Variants in PGR observed in about 807,000 individuals in gnomAD.
PGR encodes the protein progesterone receptor.
A neutral mutation model predicts 76.1 loss-of-function variants in PGR; 25 were observed. That is an observed-to-expected ratio of 0.33 (90% CI 0.24 to 0.46). The LOEUF (loss-of-function observed/expected upper bound fraction) is 0.46, where lower values mean the gene tolerates loss of function less well. Among genes scored for constraint, PGR ranks in the 20% least tolerant of loss-of-function variants. The pLI is 1.00. For synonymous variants in PGR, 579 were observed against 535.0 expected (o/e 1.08, Z -1.14); for missense variants, 1,172 against 1,225.3 (o/e 0.96, Z 0.65).
intron 6 of PGR, 94 bp downstream of exon 6, chr11:101,049,835 A>G: frequency 1.1e-6 from 1 of 948,288 alleles, no homozygotes. Context: ...CAAGACGTCT[A>G]CCTCATACAT....
intron 2 of PGR, among the ~76,000 whole-genome samples, chr11:101,095,411 C>A (rs1304751894): frequency 3.3e-5 from 5 of 152,166 alleles, no homozygotes; most frequent in Non-Finnish European, 7.3e-5. Flanking sequence ...GAACAACAGA[C>A]AATTATTAAG....
chr11:101,079,734 T>C (rs1423761782), intron 3 of PGR, among the ~76,000 whole-genome samples: 1 of 152,216 alleles, frequency 6.6e-6, no homozygotes, highest in Admixed American at 6.5e-5. Context: ...AACTACCACG[T>C]GATGCAGCAA....
At chr11:101,049,747 G>A (rs1029449964) in intron 6 of PGR, among the ~76,000 whole-genome samples, 182 bp downstream of exon 6, 20 of 152,020 alleles carry the variant, frequency 1.3e-4, no homozygotes, top group Admixed American at 2.0e-4. Context: ...TATATGGTAG[G>A]TAAAAGATGA....
intron 2 of PGR, among the ~76,000 whole-genome samples, chr11:101,101,522 T>C (rs1861998089): frequency 6.6e-6 from 1 of 152,194 alleles, no homozygotes; most frequent in Admixed American, 6.5e-5. Flanking sequence ...TAGAGAATCA[T>C]CCTTTTGCAA....
intron 2 of PGR, among the ~76,000 whole-genome samples, chr11:101,093,126 C>T (rs1046903006): frequency 3.9e-5 from 6 of 152,160 alleles, no homozygotes; most frequent in African/African-American, 1.4e-4. Flanking sequence ...ATGCATGCCT[C>T]TATAAACTTA....
Position 101,062,490 on chromosome 11 carries a change from C to T in PGR, c.2169G>A (p.Glu723=). The T allele has an allele frequency of 1.2e-6, 2 of 1,613,998 alleles. No homozygotes were observed. Among genetic ancestry groups the T allele is most frequent in the Non-Finnish European group, 1.7e-6 (2 of 1,179,910 alleles). The change falls in exon 4 of 8, where the codon GAG becomes GAA. Residue 723 remains glutamate, a synonymous_variant. Transcript: ENST00000325455. ...ACTTGACTACTGAAAGAAGTTGCCT[C>T]TCGCCTAGTTGATTAAGACTTGTCA... ...SLLTSLNQLG[E]RQLLSVVKWS...
At chr11:101,049,768 T>C (rs899011671) in intron 6 of PGR, among the ~76,000 whole-genome samples, 161 bp downstream of exon 6, 1 of 152,180 alleles carries the variant, frequency 6.6e-6, no homozygotes, top group African/African-American at 2.4e-5. Context: ...AAAAATCCAG[T>C]AATTTTATTA....
At chr11:101,056,234 A>AT (rs1277367281) in intron 4 of PGR, among the ~76,000 whole-genome samples, 2 of 64,176 alleles carry the variant, frequency 3.1e-5, no homozygotes, top group African/African-American at 8.9e-5. Context: ...AACAAATGTT[A>AT]AAAAAAAAAA....
intron 2 of PGR, among the ~76,000 whole-genome samples, chr11:101,117,782 T>C (rs1047472773): frequency 6.6e-6 from 1 of 152,082 alleles, no homozygotes; most frequent in African/African-American, 2.4e-5. Context: ...TAAACTACCT[T>C]TTCTAACTAC....
In PGR at chr11:101,046,869, C is replaced by T. The variant is rs116797851; in HGVS notation, c.2488+3060G>A. Among the ~76,000 whole-genome samples the T allele has an allele frequency of 6.4e-3, 968 of 152,120 alleles. 6 individuals carry two copies. The highest frequency in any genetic ancestry group is 0.022 in the African/African-American group (927 of 41,498). On this transcript the variant is annotated intron_variant, in intron 6 of 7. Coordinates refer to ENST00000325455, the MANE Select transcript of PGR (RefSeq NM_000926.4). ...ATTTGCCCAAAAGTTCAGTATATCT[C>T]TTCTCCCATGCTGTATTAATTAACA...
In PGR at chr11:101,091,770, C is replaced by T; in HGVS notation, c.1896G>A (p.Met632Ile). 6.5e-7 allele frequency: 1 copy of T among 1,540,998 alleles called. No homozygotes were observed. Among genetic ancestry groups the T allele is most frequent in the Non-Finnish European group, 9.0e-7 (1 of 1,113,288 alleles). Reference protein sequence around the residue: ...CRLRKCCQAGMVLGGRKFKKF... With the variant: ...CRLRKCCQAGIVLGGRKFKKF... The stretch of plus-strand genomic sequence containing the variant: ...AAACATCAGAATTACCTCCAAGGAC[C>T]ATGCCAGCCTGACAGCACTTTCTAA... The change falls in exon 3 of 8, where the codon ATG becomes ATA. Residue 632 changes from methionine to isoleucine, a missense_variant. Around this residue, in one of 4 missense-constraint regions of PGR, gnomAD observed 73 missense variants for 60.7 expected, o/e 1.20. Transcript: ENST00000325455.
intron 3 of PGR, among the ~76,000 whole-genome samples, chr11:101,088,213 A>G (rs1565352162): frequency 6.6e-6 from 1 of 151,958 alleles, no homozygotes; most frequent in Non-Finnish European, 1.5e-5. Context: ...AGAAAACTCA[A>G]AAAACTCAAA....
chr11:101,055,285 T>G (rs1023502752), intron 4 of PGR, among the ~76,000 whole-genome samples: 1 of 151,626 alleles, frequency 6.6e-6, no homozygotes, highest in African/African-American at 2.4e-5. Context: ...TGGTGGTGTA[T>G]GCCTGTAGTC....
At chr11:101,051,310 G>C in intron 5 of PGR, 114 bp downstream of exon 5, 1 of 713,886 alleles carries the variant, frequency 1.4e-6, no homozygotes, top group Non-Finnish European at 2.4e-6. Flanking sequence ...TAAAATGACA[G>C]TAATGTCATC....
At chr11:101,117,061 C>A (rs998849463) in intron 2 of PGR, among the ~76,000 whole-genome samples, 13 of 152,120 alleles carry the variant, frequency 8.5e-5, no homozygotes, top group Admixed American at 7.2e-4. Flanking sequence ...TGTAATACTG[C>A]AATAAACATC....
chr11:101,087,417 A>G (rs1861533104), intron 3 of PGR, among the ~76,000 whole-genome samples: 1 of 152,252 alleles, frequency 6.6e-6, no homozygotes, highest in Admixed American at 6.5e-5. Context: ...ATTTCACCAT[A>G]TACAAAAATT....
At chr11:101,108,433 A>G (rs1237307) in intron 2 of PGR, among the ~76,000 whole-genome samples, 2 of 151,944 alleles carry the variant, frequency 1.3e-5, no homozygotes, top group Admixed American at 6.6e-5. Flanking sequence ...TCAAGGCTGC[A>G]GTGAGCTATG....
At chr11:101,050,107 T>C (rs377176115) in intron 5 of PGR, 48 bp from the exon 6 acceptor site, 56 of 1,596,952 alleles carry the variant, frequency 3.5e-5, no homozygotes, top group Middle Eastern at 1.7e-4. Context: ...GGAAAAAAAA[T>C]AGTGTCTCAG....
intron 4 of PGR, among the ~76,000 whole-genome samples, chr11:101,052,756 T>A (rs911775524): frequency 3.3e-5 from 5 of 151,898 alleles, no homozygotes; most frequent in African/African-American, 1.2e-4. Flanking sequence ...GAGGAGAGAG[T>A]GCATCAGAAA....
Sources: allele counts gnomAD v4.1 joint callset (sites outside exome capture counted in the v4.1 genomes callset), GRCh38; gene constraint gnomAD v4.1.1; regional missense constraint gnomAD v4.1.1; transcripts MANE v1.5; gene names NCBI Gene and HGNC (gene_info 2026-07-23, HGNC 2026-07-21).